The following KIRREL3 variants were observed in gnomAD, a reference collection of about 807,000 sequenced individuals.
The protein encoded by KIRREL3 is kirre like nephrin family adhesion molecule 3.
Under a neutral mutation model 89.7 loss-of-function variants are expected in KIRREL3, and 36 were observed. That is an observed-to-expected ratio of 0.40 (90% CI 0.31 to 0.53). The LOEUF (loss-of-function observed/expected upper bound fraction) is 0.53. Among genes scored for constraint, KIRREL3 ranks in the 20% least tolerant of loss-of-function variants. The pLI is 0.49. For synonymous variants in KIRREL3, 445 were observed against 441.4 expected, an observed-to-expected ratio of 1.01 and a Z score of -0.10; for missense variants, 864 against 1,056.6, an observed-to-expected ratio of 0.82 and a Z score of 2.53.
intron 1 of KIRREL3, among the ~76,000 whole-genome samples, chr11:126,590,378 G>A (rs535860542): frequency 6.6e-6 from 1 of 152,204 alleles, no homozygotes; most frequent in Admixed American, 6.5e-5. Context: ...GACTCCTATG[G>A]GGCTCTTCAG....
At position 126,490,120 on chromosome 11, in the gene KIRREL3, C is replaced by T. The variant is rs557963741; in HGVS notation, c.434-16654G>A. ...ACAGTTAGCTCCCATGATGGGCATT[C>T]GTGTTTGTGGCCAGAGGCATACATA... On this transcript the variant is annotated intron_variant, in intron 4 of 16. Transcript: ENST00000525144. This position sits in a 1 kb window ranked among gnomAD's most constrained non-coding sequence, Gnocchi z 4.2. 1.1e-4 allele frequency among the ~76,000 whole-genome samples: 16 copies of T among 149,708 alleles called. No individual in the cohort carries two copies. In the South Asian group the frequency reaches 1.5e-3, roughly 14 times the overall value.
At position 126,698,799 on chromosome 11, in the gene KIRREL3, G is replaced by A. The variant is rs1313270372; in HGVS notation, c.56-135887C>T. Among the ~76,000 whole-genome samples, 3 of 152,238 alleles carry A rather than the reference G, an allele frequency of 2.0e-5. No homozygotes were observed. The East Asian group carries it at 5.8e-4, about 29-fold the overall frequency. On this transcript the variant is annotated intron_variant, in intron 1 of 16. Coordinates refer to ENST00000525144, the MANE Select transcript of KIRREL3 (RefSeq NM_032531.4). ...TGCCATTGGCTTCTCTCCCTGCTCT[G>A]GCAGTGAGTTCCAGAGAAGACAGGT...
rs1958604865 is a variant in KIRREL3 at position 126,521,794 on chromosome 11, G to C, written c.284-330C>G. ...GGGTCTTGCTCTGTCACTCAGATTG[G>C]AGTGTAGTGGCAGGATCATAGCTCA... On this transcript the variant is annotated intron_variant, in intron 3 of 16. Coordinates refer to ENST00000525144, the MANE Select transcript of KIRREL3 (RefSeq NM_032531.4). The surrounding 1 kb of genome is among the most constrained non-coding windows in gnomAD (Gnocchi z 4.1). Among the ~76,000 whole-genome samples the C allele has an allele frequency of 6.6e-6, 1 of 151,780 alleles. No homozygotes were observed. The highest frequency in any genetic ancestry group is 2.4e-5 in the African/African-American group (1 of 41,300).
rs1958095471 is a variant in KIRREL3, at chr11:126,508,409, G to A, written c.433+12906C>T. On this transcript the variant is annotated intron_variant, in intron 4 of 16. Coordinates refer to ENST00000525144, the MANE Select transcript of KIRREL3 (RefSeq NM_032531.4). This position sits in a 1 kb window ranked among gnomAD's most constrained non-coding sequence, Gnocchi z 4.9. ...CCCAGAGGATGATACTGAATGGGATGGCAAATGAATGCTGCGGGTCTCGGG... is the reference window on the plus strand; with the variant it reads ...CCCAGAGGATGATACTGAATGGGATAGCAAATGAATGCTGCGGGTCTCGGG... Among the ~76,000 whole-genome samples, 1 of 152,142 alleles carries A rather than the reference G, an allele frequency of 6.6e-6. No individual in the cohort carries two copies. The highest frequency in any genetic ancestry group is 6.6e-5 in the Admixed American group (1 of 15,266).
rs1945016610 is a variant in KIRREL3 at position 126,653,967 on chromosome 11, AC to A, written c.56-91056del. On this transcript the variant is annotated intron_variant, in intron 1 of 16. Transcript: ENST00000525144. The surrounding 1 kb of genome is among the most constrained non-coding windows in gnomAD (Gnocchi z 5.4). ...TGATACCACTTCTGCCTAGAGGGTGACCCCCACGCCCAGCACATATCTCACC... is the reference window on the plus strand; with the variant it reads ...TGATACCACTTCTGCCTAGAGGGTGACCCCACGCCCAGCACATATCTCACC... Among the ~76,000 whole-genome samples the A allele has an allele frequency of 1.3e-5, 2 of 151,898 alleles. No individual in the cohort carries two copies. The highest frequency in any genetic ancestry group is 1.3e-4 in the Admixed American group (2 of 15,252).
chr11:126,608,348 T>A lies in KIRREL3; in HGVS notation c.56-45436A>T, dbSNP rs12792946. ...AGTGCAGGCCCAACTTCTGACTTCCTGTGCGGGGGCTCCTCCTCTAGCCCC... is the reference window on the plus strand; with the variant it reads ...AGTGCAGGCCCAACTTCTGACTTCCAGTGCGGGGGCTCCTCCTCTAGCCCC... On this transcript the variant is annotated intron_variant, in intron 1 of 16. Transcript: ENST00000525144. This position sits in a 1 kb window ranked among gnomAD's most constrained non-coding sequence, Gnocchi z 4.9. 0.2 allele frequency among the ~76,000 whole-genome samples: 30,097 copies of A among 152,188 alleles called. 3,772 individuals are homozygous for A. The highest frequency in any genetic ancestry group is 0.28 in the Non-Finnish European group (19,254 of 67,974).
intron 1 of KIRREL3, among the ~76,000 whole-genome samples, chr11:126,767,714 G>A (rs1419782560): frequency 6.6e-6 from 1 of 152,148 alleles, no homozygotes; most frequent in Non-Finnish European, 1.5e-5. Context: ...TATCTATTGA[G>A]AATGTACGTA....
intron 1 of KIRREL3, among the ~76,000 whole-genome samples, chr11:126,869,055 T>C (rs955663938): frequency 6.6e-6 from 1 of 152,274 alleles, no homozygotes; most frequent in South Asian, 2.1e-4. Flanking sequence ...GAGACTAGGT[T>C]TCAACATATG....
intron 1 of KIRREL3, among the ~76,000 whole-genome samples, chr11:126,823,100 A>C (rs1943284387): frequency 6.6e-6 from 1 of 152,170 alleles, no homozygotes; most frequent in East Asian, 1.9e-4. Context: ...GAGATGTGAG[A>C]GACTAAACGG....
rs780948060 is a variant in KIRREL3 at position 126,425,596 on chromosome 11, C to A, written c.1893+42G>T. 28 of 1,482,796 alleles carry A rather than the reference C, an allele frequency of 1.9e-5. 1 individual carries two copies. In the East Asian group the frequency reaches 6.8e-4, roughly 36 times the overall value. 91.9% of individuals were successfully genotyped at this position (1,482,796 alleles called of 1,614,324 possible). A position where few individuals can be genotyped will look rare whatever the true frequency, so the allele number is the denominator to read the frequency against. On this transcript the variant is annotated intron_variant, in intron 16 of 16. Transcript: ENST00000525144. The stretch of plus-strand genomic sequence containing the variant: ...GGTTTGGGCCATCAGAGCTAAAGAC[C>A]AGATTCCATGGCTGTGTCTTATAAC...
intron 1 of KIRREL3, among the ~76,000 whole-genome samples, chr11:126,819,150 C>T (rs1879452): frequency 0.86 from 131,293 of 152,044 alleles, 57,037 homozygotes; most frequent in East Asian, 1. Context: ...GTAGATATGA[C>T]ATCAGAGGGT....
At chr11:126,927,061 G>A (rs1463874599) in intron 1 of KIRREL3, among the ~76,000 whole-genome samples, 1 of 152,170 alleles carries the variant, frequency 6.6e-6, no homozygotes, top group Non-Finnish European at 1.5e-5. Context: ...GATATTGAAA[G>A]GCAGAATCAA....
At chr11:126,663,801 C>T (rs1017470316) in intron 1 of KIRREL3, among the ~76,000 whole-genome samples, 5 of 152,236 alleles carry the variant, frequency 3.3e-5, no homozygotes, top group Non-Finnish European at 7.3e-5. Flanking sequence ...GACTTGGAGG[C>T]TCCCTTTGGA....
intron 1 of KIRREL3, among the ~76,000 whole-genome samples, chr11:126,758,475 G>A (rs1406313181): frequency 1.3e-5 from 2 of 152,200 alleles, no homozygotes; most frequent in East Asian, 3.8e-4. Flanking sequence ...GGACAGCCCA[G>A]GGTATGGCTT....
rs1364692536 is a variant in KIRREL3 at position 126,553,976 on chromosome 11, A to C, written c.133+8859T>G. Among the ~76,000 whole-genome samples the C allele has an allele frequency of 6.6e-6, 1 of 152,184 alleles. No individual in the cohort carries two copies. Among genetic ancestry groups the C allele is most frequent in the Non-Finnish European group, 1.5e-5 (1 of 68,026 alleles). On this transcript the variant is annotated intron_variant, in intron 2 of 16. Coordinates refer to ENST00000525144, the MANE Select transcript of KIRREL3 (RefSeq NM_032531.4). The surrounding 1 kb of genome is among the most constrained non-coding windows in gnomAD (Gnocchi z 4.7). ...ACATTGGAACTGCTGTCTGTCAACCAAACAGCTCCTGAGTCAATCAAGAGC... is the reference window on the plus strand; with the variant it reads ...ACATTGGAACTGCTGTCTGTCAACCCAACAGCTCCTGAGTCAATCAAGAGC...
In KIRREL3 at chr11:126,867,951, A is replaced by C. The variant is rs1012623949; in HGVS notation, c.55+132504T>G. On this transcript the variant is annotated intron_variant, in intron 1 of 16. Transcript: ENST00000525144. This position sits in a 1 kb window ranked among gnomAD's most constrained non-coding sequence, Gnocchi z 4.7. ...GAGCTAGACATGCAATAGGCATTCA[A>C]TATAAACTTGATCATTCATTGATTG... Among the ~76,000 whole-genome samples, 2 of 151,834 alleles carry C rather than the reference A, an allele frequency of 1.3e-5. No homozygotes were observed. The highest frequency in any genetic ancestry group is 4.8e-5 in the African/African-American group (2 of 41,338).
intron 1 of KIRREL3, among the ~76,000 whole-genome samples, chr11:126,865,574 C>G (rs1016767982): frequency 6.6e-6 from 1 of 152,230 alleles, no homozygotes; most frequent in Admixed American, 6.5e-5. Flanking sequence ...GAGGTCTGCA[C>G]ACCTTGTTCA....
At chr11:126,591,015 C>T (rs1942106775) in intron 1 of KIRREL3, among the ~76,000 whole-genome samples, 1 of 152,176 alleles carries the variant, frequency 6.6e-6, no homozygotes. Flanking sequence ...CACTTGAGCC[C>T]AGGAGTTTGA....
At chr11:126,698,530 G>C (rs1432787375) in intron 1 of KIRREL3, among the ~76,000 whole-genome samples, 1 of 152,226 alleles carries the variant, frequency 6.6e-6, no homozygotes, top group Non-Finnish European at 1.5e-5. Context: ...GGCTGGCAGA[G>C]ACACCGGCCC....
Sources: allele counts gnomAD v4.1 joint callset (sites outside exome capture counted in the v4.1 genomes callset), GRCh38; gene constraint gnomAD v4.1.1; non-coding constraint Gnocchi (gnomAD v3.1); transcripts MANE v1.5; gene names NCBI Gene and HGNC (gene_info 2026-07-23, HGNC 2026-07-21).